The following DNASE2B variants were observed in gnomAD, a reference collection of about 807,000 sequenced individuals.
DNASE2B encodes the protein deoxyribonuclease 2 beta, also known as deoxyribonuclease-2-beta.
In DNASE2B, 43 loss-of-function variants were observed where a neutral mutation model predicts 46.0. That is an observed-to-expected ratio of 0.94 (90% CI 0.73 to 1.21). The LOEUF (loss-of-function observed/expected upper bound fraction) is 1.21, where lower values mean the gene tolerates loss of function less well. Ranked by LOEUF, DNASE2B falls within the 50% of genes most tolerant of loss-of-function variation. The probability of loss-of-function intolerance (pLI) is 0.00; values close to 1 mark genes in which losing one functional copy is unlikely to be tolerated. For synonymous variants in DNASE2B, 156 were observed against 152.5 expected (o/e 1.02, Z -0.17); for missense variants, 395 against 414.4 (o/e 0.95, Z 0.41).
chr1:84,406,557 A>G (rs1680493577), intron 2 of DNASE2B, among the ~76,000 whole-genome samples: 1 of 152,166 alleles, frequency 6.6e-6, no homozygotes, highest in Non-Finnish European at 1.5e-5. Context: ...ACCATTCAAT[A>G]TTTCTTACCT....
intron 2 of DNASE2B, among the ~76,000 whole-genome samples, chr1:84,407,703 C>T (rs555616706): frequency 6.3e-4 from 96 of 151,860 alleles, no homozygotes; most frequent in Admixed American, 2.7e-3. Context: ...GTTTCTAAAA[C>T]ATGAAAAATA....
chr1:84,414,506 T>C, intron 5 of DNASE2B, 22 bp from the exon 6 acceptor site: 1 of 1,566,778 alleles, frequency 6.4e-7, no homozygotes, highest in Non-Finnish European at 8.6e-7. Context: ...AACCTCACTA[T>C]CTTTCTCCTC....
intron 1 of DNASE2B, among the ~76,000 whole-genome samples, chr1:84,401,110 T>C (rs182034597): frequency 2.8e-4 from 42 of 152,302 alleles, no homozygotes; most frequent in African/African-American, 9.9e-4. Flanking sequence ...GCTAGATCAG[T>C]GGTTCTCAAC....
chr1:84,403,695 C>T (rs1234840876), intron 2 of DNASE2B, among the ~76,000 whole-genome samples: 2 of 151,962 alleles, frequency 1.3e-5, no homozygotes, highest in African/African-American at 4.8e-5. Context: ...AAAAATGTTT[C>T]TATACAGTAG....
intron 4 of DNASE2B, among the ~76,000 whole-genome samples, chr1:84,411,441 TG>T (rs1354457569): frequency 0.068 from 484 of 7,100 alleles, 5 homozygotes; most frequent in African/African-American, 0.23. Flanking sequence ...TGTGTGTGTG[TG>T]TGTGTGTGTG....
intron 2 of DNASE2B, among the ~76,000 whole-genome samples, chr1:84,407,598 T>C (rs1489076341): frequency 6.6e-6 from 1 of 152,148 alleles, no homozygotes; most frequent in Non-Finnish European, 1.5e-5. Flanking sequence ...TTTAATTATG[T>C]CACTCAGATT....
At position 84,414,576 on chromosome 1, in the gene DNASE2B, C is replaced by T. The variant is rs1446512781; in HGVS notation, c.794C>T (p.Thr265Ile). Residue 265 changes from threonine (T) to isoleucine (I), a missense_variant, in exon 6 of 6, where the codon ACA (threonine) becomes ATA (isoleucine). Transcript: ENST00000370665. ...MAQRLKTHLL[T>I]ETWQRKRQEL... ...CAACGGCTGAAGACACACTTGTTAACAGAAACCTGGCAGCGAAAAAGACAA... is the reference window on the plus strand; with the variant it reads ...CAACGGCTGAAGACACACTTGTTAATAGAAACCTGGCAGCGAAAAAGACAA... 1 of 1,613,866 alleles carries T rather than the reference C, an allele frequency of 6.2e-7. No homozygotes were observed. Among genetic ancestry groups the T allele is most frequent in the Non-Finnish European group, 8.5e-7 (1 of 1,179,946 alleles).
chr1:84,399,004 T>C (rs967506934), intron 1 of DNASE2B, among the ~76,000 whole-genome samples: 4 of 152,232 alleles, frequency 2.6e-5, no homozygotes, highest in East Asian at 3.9e-4. Context: ...AATTACATCA[T>C]GGCTTTTCCT....
At position 84,401,959 on chromosome 1, in the gene DNASE2B, G is replaced by C. The variant is rs1344005488; in HGVS notation, c.184G>C (p.Glu62Gln). The C allele has an allele frequency of 1.9e-6, 3 of 1,592,898 alleles. No homozygotes were observed. ...CAAGGAAAGTGGAGAGACTGGGTTA[G>C]AGTACCTGTACCTAGACTCTACAAC... ...QNKESGETGL[E>Q]YLYLDSTTRS... The change falls in exon 2 of 6, where the codon GAG (glutamate) becomes CAG (glutamine). Residue 62 changes from glutamate to glutamine, a missense_variant. Transcript: ENST00000370665.
intron 5 of DNASE2B, 80 bp from the exon 6 acceptor site, chr1:84,414,448 T>C: frequency 8.0e-7 from 1 of 1,253,618 alleles, no homozygotes; most frequent in South Asian, 1.6e-5. Flanking sequence ...TGAAAGATGA[T>C]TTCCATTCCA....
At chr1:84,411,061 T>C (rs1680583246) in intron 4 of DNASE2B, 62 bp downstream of exon 4, 1 of 1,478,464 alleles carries the variant, frequency 6.8e-7, no homozygotes, top group East Asian at 2.4e-5. Flanking sequence ...TTTGGAAATA[T>C]ATTCATAAAT....
At chr1:84,402,146 C>G (rs1358170026) in intron 2 of DNASE2B, 68 bp downstream of exon 2, 1 of 1,475,692 alleles carries the variant, frequency 6.8e-7, no homozygotes, top group Non-Finnish European at 9.0e-7. Context: ...AAAGCCTTCA[C>G]CAGAGTTTTC....
At chr1:84,409,675 C>T (rs956835868) in intron 3 of DNASE2B, among the ~76,000 whole-genome samples, 1 of 152,180 alleles carries the variant, frequency 6.6e-6, no homozygotes, top group South Asian at 2.1e-4. Context: ...ATGCTACATT[C>T]TTCAACCTCT....
chr1:84,410,502 C>T (rs1680569213), intron 3 of DNASE2B, among the ~76,000 whole-genome samples: 1 of 152,184 alleles, frequency 6.6e-6, no homozygotes, highest in Non-Finnish European at 1.5e-5. Context: ...TGCTAGGTGA[C>T]TGTATAGTTT....
intron 2 of DNASE2B, among the ~76,000 whole-genome samples, chr1:84,406,922 T>C (rs1680501388): frequency 6.6e-6 from 1 of 152,216 alleles, no homozygotes; most frequent in African/African-American, 2.4e-5. Flanking sequence ...GAATCTTCCG[T>C]GTACCTTCAT....
chr1:84,411,645 T>C (rs1023234027), intron 4 of DNASE2B, among the ~76,000 whole-genome samples: 1 of 152,178 alleles, frequency 6.6e-6, no homozygotes, highest in Non-Finnish European at 1.5e-5. Flanking sequence ...CGAAAAATTC[T>C]TAGATTTGGC....
intron 2 of DNASE2B, among the ~76,000 whole-genome samples, chr1:84,403,407 G>T (rs1447934714): frequency 6.6e-6 from 1 of 152,086 alleles, no homozygotes; most frequent in Non-Finnish European, 1.5e-5. Context: ...GCTAGAGAAA[G>T]GAAAATGTTA....
In DNASE2B at chr1:84,414,767, C is replaced by T. The variant is rs202202221; in HGVS notation, c.985C>T (p.Pro329Ser). 8 of 1,614,162 alleles carry T rather than the reference C, an allele frequency of 5.0e-6. No homozygotes were observed. The Admixed American group carries it at 1.0e-4, about 20-fold the overall frequency. Reference sequence around the variant, plus strand: ...ATGTATTGGAGACCTAAATCGGAGTCCACACCAAGCCTTCAGAAGTGGAGG... The same window carrying T: ...ATGTATTGGAGACCTAAATCGGAGTTCACACCAAGCCTTCAGAAGTGGAGG... ...WTCIGDLNRS[P>S]HQAFRSGGFI... Residue 329 changes from proline to serine, a missense_variant, in exon 6 of 6, where the codon CCA becomes TCA. Transcript: ENST00000370665.
intron 1 of DNASE2B, among the ~76,000 whole-genome samples, chr1:84,401,485 T>C (rs1011045072): frequency 4.6e-5 from 7 of 152,208 alleles, no homozygotes; most frequent in African/African-American, 1.7e-4. Context: ...AGCTGAGGAA[T>C]GCAGCTTATG....
Sources: gnomAD v4.1 joint callset for allele counts (sites outside exome capture counted in the v4.1 genomes callset) on GRCh38, gnomAD v4.1.1 for gene constraint, MANE v1.5 for transcripts, NCBI Gene and HGNC (gene_info 2026-07-23, HGNC 2026-07-21) for gene names.